Variants in BLM observed in about 807,000 individuals in gnomAD.
BLM encodes recQ-like DNA helicase BLM.
BLM carries 95 observed loss-of-function variants against 135.3 expected under a neutral mutation model. The observed-to-expected ratio is 0.70, with a 90% CI of 0.59 to 0.83. The LOEUF (loss-of-function observed/expected upper bound fraction) is 0.83. BLM is among the 40% of genes least tolerant of loss of function. The probability of loss-of-function intolerance (pLI) is 0.00; values close to 1 mark genes in which losing one functional copy is unlikely to be tolerated. For synonymous variants in BLM, 520 were observed against 589.2 expected, an observed-to-expected ratio of 0.88 and a Z score of 1.70; for missense variants, 1,518 against 1,663.9, an observed-to-expected ratio of 0.91 and a Z score of 1.53.
chr15:90,743,552 G>A (rs1032784776), intron 1 of BLM, among the ~76,000 whole-genome samples: 1 of 151,620 alleles, frequency 6.6e-6, no homozygotes, highest in African/African-American at 2.4e-5. Flanking sequence ...TTTAAGAGAT[G>A]GGGTCTCACA....
At chr15:90,803,495 T>A (rs772764332) in intron 17 of BLM, 26 bp from the exon 18 acceptor site, 1 of 1,596,546 alleles carries the variant, frequency 6.3e-7, no homozygotes, top group South Asian at 1.1e-5. Flanking sequence ...CATTTACTCA[T>A]CTTACTTCCT....
At chr15:90,770,252 C>T (rs912588634) in intron 12 of BLM, among the ~76,000 whole-genome samples, 12 of 150,210 alleles carry the variant, frequency 8.0e-5, no homozygotes, top group African/African-American at 1.7e-4. Context: ...CGGCTCACTC[C>T]GAGTTCTGCC....
At chr15:90,801,244 A>G (rs186505643) in intron 17 of BLM, among the ~76,000 whole-genome samples, 18 of 152,294 alleles carry the variant, frequency 1.2e-4, no homozygotes, top group Non-Finnish European at 2.2e-4. Flanking sequence ...TTTTGGTTCC[A>G]TAAGAGTCAT....
At chr15:90,804,102 AAAG>A in intron 18 of BLM, 62 bp from the exon 19 acceptor site, 1 of 1,460,194 alleles carries the variant, frequency 6.8e-7, no homozygotes, top group South Asian at 1.2e-5. Context: ...AGCATTAAAT[AAAG>A]CCCCTGTATG....
At chr15:90,780,464 C>A (rs957888064) in intron 12 of BLM, among the ~76,000 whole-genome samples, 1 of 152,182 alleles carries the variant, frequency 6.6e-6, no homozygotes, top group African/African-American at 2.4e-5. Flanking sequence ...AAGTGATCCT[C>A]CTGCCTTGGC....
chr15:90,759,138 T>C (rs1264544871), intron 5 of BLM, among the ~76,000 whole-genome samples: 1 of 152,220 alleles, frequency 6.6e-6, no homozygotes, highest in Non-Finnish European at 1.5e-5. Flanking sequence ...AAAACAGTTA[T>C]GAGCTCTTAT....
At chr15:90,753,847 C>T (rs1477152265) in intron 4 of BLM, among the ~76,000 whole-genome samples, 8 of 152,200 alleles carry the variant, frequency 5.3e-5, no homozygotes, top group African/African-American at 1.9e-4. Flanking sequence ...GCTTTATCTC[C>T]ACTTATGCCC....
intron 16 of BLM, among the ~76,000 whole-genome samples, chr15:90,797,510 C>T (rs1897059011): frequency 6.6e-6 from 1 of 150,508 alleles, no homozygotes; most frequent in South Asian, 2.1e-4. Context: ...CTCAGAATCA[C>T]TTGCAGTTGT....
intron 12 of BLM, 112 bp downstream of exon 12, chr15:90,769,698 C>G: frequency 7.7e-7 from 1 of 1,293,652 alleles, no homozygotes; most frequent in Non-Finnish European, 1.1e-6. Flanking sequence ...CCCCACCCCA[C>G]CCCCATGCCC....
At chr15:90,760,382 G>T in intron 6 of BLM, 103 bp downstream of exon 6, 1 of 1,485,894 alleles carries the variant, frequency 6.7e-7, no homozygotes, top group South Asian at 1.1e-5. Context: ...GCCTGGAAAT[G>T]GCATAAGGAT....
At chr15:90,775,902 G>A (rs1031011588) in intron 12 of BLM, among the ~76,000 whole-genome samples, 4 of 151,954 alleles carry the variant, frequency 2.6e-5, no homozygotes, top group Non-Finnish European at 4.4e-5. Context: ...TATATTGTTC[G>A]GGTTAGTCTG....
chr15:90,804,369 C>A lies in BLM; in HGVS notation c.3751+10C>A, dbSNP rs199685140. 2 of 1,608,906 alleles carry A rather than the reference C, an allele frequency of 1.2e-6. No individual in the cohort carries two copies. The highest frequency in any genetic ancestry group is 2.7e-5 in the African/African-American group (2 of 74,816). On this transcript the variant is annotated intron_variant, in intron 19 of 21. Transcript: ENST00000355112. ...CTCAAGAAGCTTGCAGGTGGGTACA[C>A]ATGTATCCTTTGTTACGTGGCACAG...
chr15:90,759,741 G>A (rs964173869), intron 5 of BLM, among the ~76,000 whole-genome samples: 2 of 151,782 alleles, frequency 1.3e-5, no homozygotes, highest in Non-Finnish European at 2.9e-5. Context: ...CGAGTAGCTG[G>A]GATTACAGAC....
intron 1 of BLM, among the ~76,000 whole-genome samples, chr15:90,746,628 A>G (rs1360953404): frequency 2.0e-5 from 3 of 152,200 alleles, no homozygotes; most frequent in African/African-American, 4.8e-5. Context: ...GATATATGCT[A>G]TAAAATAAAA....
intron 1 of BLM, among the ~76,000 whole-genome samples, chr15:90,725,663 G>A (rs982710209): frequency 2.1e-5 from 3 of 143,142 alleles, no homozygotes; most frequent in Admixed American, 7.0e-5. Context: ...ACCATGCCCG[G>A]CTAATTTTTT....
chr15:90,778,710 A>G (rs1182351904), intron 12 of BLM, among the ~76,000 whole-genome samples: 1 of 152,180 alleles, frequency 6.6e-6, no homozygotes, highest in Non-Finnish European at 1.5e-5. Flanking sequence ...GACGTCTACG[A>G]CATTTTATTC....
In BLM at chr15:90,742,687, T is replaced by C. The variant is rs8042365; in HGVS notation, c.-4-4702T>C. Among the ~76,000 whole-genome samples the C allele has an allele frequency of 2.5e-3, 375 of 151,972 alleles. 3 individuals carry two copies. Among genetic ancestry groups the C allele is most frequent in the African/African-American group, 8.7e-3 (360 of 41,446 alleles). ...AGGGTCTCTGTTGCCCAGGCTGGAG[T>C]GCAGTGGGGTGATCATGGCTCACTG... On this transcript the variant is annotated intron_variant, in intron 1 of 21. Coordinates refer to ENST00000355112, the MANE Select transcript of BLM (RefSeq NM_000057.4).
intron 17 of BLM, among the ~76,000 whole-genome samples, chr15:90,799,354 AAG>A (rs958269693): frequency 6.6e-6 from 1 of 152,058 alleles, no homozygotes; most frequent in African/African-American, 2.4e-5. Flanking sequence ...AAAAATGAGA[AAG>A]AGCTGTCAAT....
chr15:90,745,349 AGAAT>A (rs577309377), intron 1 of BLM, among the ~76,000 whole-genome samples: 4 of 152,342 alleles, frequency 2.6e-5, no homozygotes, highest in African/African-American at 9.6e-5. Context: ...AGGTGGTGAA[AGAAT>A]GAATATCATT....
Sources: allele counts gnomAD v4.1 joint callset (sites outside exome capture counted in the v4.1 genomes callset), GRCh38; gene constraint gnomAD v4.1.1; transcripts MANE v1.5; gene names NCBI Gene and HGNC (gene_info 2026-07-23, HGNC 2026-07-21).